The following RBFOX1 variants were observed in gnomAD, a reference collection of about 807,000 sequenced individuals.
RBFOX1 encodes the protein RNA binding protein fox-1 homolog 1.
RBFOX1 carries 8 observed loss-of-function variants against 57.7 expected under a neutral mutation model. That is an observed-to-expected ratio of 0.14 (90% CI 0.08 to 0.25). The LOEUF (loss-of-function observed/expected upper bound fraction) is 0.25. Ranked by LOEUF, RBFOX1 falls within the 10% of genes least tolerant of loss-of-function variation. RBFOX1 has a pLI of 1.00. For synonymous variants in RBFOX1, 326 were observed against 222.4 expected, an observed-to-expected ratio of 1.47 and a Z score of -4.15; for missense variants, 611 against 548.5, an observed-to-expected ratio of 1.11 and a Z score of -1.14.
intron 3 of RBFOX1, among the ~76,000 whole-genome samples, chr16:5,701,585 A>C (rs1190092850): frequency 6.6e-6 from 1 of 151,920 alleles, no homozygotes; most frequent in Non-Finnish European, 1.5e-5. Flanking sequence ...ACACTGTACC[A>C]CACCTGGCTA....
intron 3 of RBFOX1, among the ~76,000 whole-genome samples, chr16:5,844,278 CAG>C (rs1293456158): frequency 1.3e-5 from 2 of 152,160 alleles, no homozygotes; most frequent in Non-Finnish European, 2.9e-5. Flanking sequence ...GCCCACATAT[CAG>C]AGCAAAACTG....
chr16:6,182,875 T>G (rs1197712265), intron 1 of RBFOX1, among the ~76,000 whole-genome samples: 1 of 152,122 alleles, frequency 6.6e-6, no homozygotes, highest in Non-Finnish European at 1.5e-5. Context: ...TTCTCAAGAG[T>G]TGAATGAACC....
chr16:6,107,484 C>G (rs1000131978), intron 1 of RBFOX1, among the ~76,000 whole-genome samples: 1 of 152,036 alleles, frequency 6.6e-6, no homozygotes, highest in African/African-American at 2.4e-5. Context: ...AATTTGTCCC[C>G]TACTGTAGTG....
At chr16:6,347,023 TA>T (rs2085491237) in intron 2 of RBFOX1, among the ~76,000 whole-genome samples, 1 of 152,138 alleles carries the variant, frequency 6.6e-6, no homozygotes, top group South Asian at 2.1e-4. Context: ...ATCATGATAT[TA>T]TAGTTTAGAA....
At chr16:7,301,002 C>T (rs182429520) in intron 4 of RBFOX1, among the ~76,000 whole-genome samples, 37 of 152,140 alleles carry the variant, frequency 2.4e-4, no homozygotes, top group African/African-American at 7.9e-4. Context: ...TTTTCTTTCC[C>T]CACTTCTCCC....
intron 2 of RBFOX1, among the ~76,000 whole-genome samples, chr16:6,398,565 G>C (rs1038521197): frequency 6.6e-6 from 1 of 152,028 alleles, no homozygotes; most frequent in African/African-American, 2.4e-5. Flanking sequence ...AGGGACTACA[G>C]GTCCCATGTG....
chr16:6,819,495 G>C (rs2090842847), intron 3 of RBFOX1, among the ~76,000 whole-genome samples: 1 of 151,962 alleles, frequency 6.6e-6, no homozygotes. Context: ...CCTGAGGTCG[G>C]GAGTTTGAGA....
chr16:6,807,399 G>A lies in RBFOX1; in HGVS notation c.-16+152749G>A, dbSNP rs2087118705. Among the ~76,000 whole-genome samples the A allele has an allele frequency of 2.0e-5, 3 of 152,154 alleles. No homozygotes were observed. The South Asian group carries it at 6.2e-4, about 32-fold the overall frequency. On this transcript the variant is annotated intron_variant, in intron 3 of 15. Coordinates refer to ENST00000550418, the MANE Select transcript of RBFOX1 (RefSeq NM_018723.4). ...AAGTTGATTTCTGCATTTAGGGTTG[G>A]TTGACTGAATGGTGGTGCCATTCAC...
At chr16:7,184,691 T>G (rs1316314834) in intron 4 of RBFOX1, among the ~76,000 whole-genome samples, 1 of 152,102 alleles carries the variant, frequency 6.6e-6, no homozygotes, top group Non-Finnish European at 1.5e-5. Flanking sequence ...CAAACCTGAT[T>G]ATGAGCTCTT....
At chr16:7,073,208 T>C (rs2057678734) in intron 4 of RBFOX1, among the ~76,000 whole-genome samples, 1 of 152,158 alleles carries the variant, frequency 6.6e-6, no homozygotes, top group African/African-American at 2.4e-5. Context: ...TCAACTAAAA[T>C]GGGTTTTAGA....
intron 4 of RBFOX1, among the ~76,000 whole-genome samples, chr16:7,273,260 TCCTC>T (rs1241994167): frequency 4.1e-5 from 5 of 121,312 alleles, no homozygotes; most frequent in Admixed American, 8.4e-5. Flanking sequence ...CTTCCTTCCT[TCCTC>T]CCTTTCTCTT....
intron 1 of RBFOX1, among the ~76,000 whole-genome samples, chr16:6,169,649 C>T (rs1049527572): frequency 1.2e-4 from 18 of 152,172 alleles, no homozygotes; most frequent in African/African-American, 3.6e-4. Context: ...TACAGCTCCG[C>T]GTTTGCCTAA....
chr16:7,247,239 A>G (rs750015915), intron 4 of RBFOX1, among the ~76,000 whole-genome samples: 5 of 152,106 alleles, frequency 3.3e-5, no homozygotes, highest in South Asian at 2.1e-4. Flanking sequence ...AGAAACTTCT[A>G]TTGTGCAAAC....
chr16:6,908,907 C>G (rs1160940430), intron 3 of RBFOX1, among the ~76,000 whole-genome samples: 3 of 152,140 alleles, frequency 2.0e-5, no homozygotes, highest in African/African-American at 7.2e-5. Context: ...CCTAAGCATT[C>G]ATGACTGCAG....
chr16:6,445,036 C>T (rs2094457274), intron 2 of RBFOX1, among the ~76,000 whole-genome samples: 3 of 151,806 alleles, frequency 2.0e-5, no homozygotes, highest in African/African-American at 7.3e-5. Flanking sequence ...ATGATGAGAC[C>T]CTGTTGAGGT....
At chr16:6,834,114 G>C (rs1194244041) in intron 3 of RBFOX1, among the ~76,000 whole-genome samples, 2 of 151,846 alleles carry the variant, frequency 1.3e-5, no homozygotes, top group Non-Finnish European at 2.9e-5. Flanking sequence ...GCCCGGGCTG[G>C]TGTGCAGTGG....
chr16:7,429,585 A>C (rs2098658493), intron 4 of RBFOX1, among the ~76,000 whole-genome samples: 1 of 152,208 alleles, frequency 6.6e-6, no homozygotes, highest in African/African-American at 2.4e-5. Flanking sequence ...CAGAGCCTAG[A>C]ATCTAGAGGA....
chr16:7,650,260 T>A (rs956240330), intron 11 of RBFOX1, among the ~76,000 whole-genome samples: 1 of 150,698 alleles, frequency 6.6e-6, no homozygotes, highest in African/African-American at 2.4e-5. Context: ...ACTTGAATCC[T>A]CCAGCCCTTT....
chr16:6,632,527 A>G (rs10163322), intron 2 of RBFOX1, among the ~76,000 whole-genome samples: 149,166 of 152,312 alleles, frequency 0.98, 73,124 homozygotes, highest in East Asian at 1. Flanking sequence ...AGTCCACTTG[A>G]GGAGGAGACA....
Sources: allele counts gnomAD v4.1 joint callset (sites outside exome capture counted in the v4.1 genomes callset), GRCh38; gene constraint gnomAD v4.1.1; transcripts MANE v1.5; gene names NCBI Gene and HGNC (gene_info 2026-07-23, HGNC 2026-07-21).